Variants in EHD4 observed in about 807,000 individuals in gnomAD.
EHD4 encodes the protein EH domain-containing protein 4.
In EHD4, 37 loss-of-function variants were observed where a neutral mutation model predicts 51.0. The observed-to-expected ratio is 0.73, with a 90% CI of 0.56 to 0.95. The LOEUF is 0.95. EHD4 is among the 40% of genes least tolerant of loss of function. The probability of loss-of-function intolerance (pLI) is 0.00; values close to 1 mark genes in which losing one functional copy is unlikely to be tolerated. For missense variants in EHD4, 632 were observed against 733.1 expected (o/e 0.86, Z 1.59); for synonymous variants, 297 against 317.3 (o/e 0.94, Z 0.68).
chr15:41,953,876 T>G lies in EHD4; in HGVS notation c.301A>C (p.Ile101Leu). The G allele has an allele frequency of 6.2e-7, 1 of 1,614,042 alleles. No homozygotes were observed. Among genetic ancestry groups the G allele is most frequent in the Non-Finnish European group, 8.5e-7 (1 of 1,179,998 alleles). Residue 101 changes from isoleucine (I) to leucine (L), a missense_variant, in exon 2 of 6, where the codon ATC becomes CTC. Ile to Leu is a conservative substitution (Grantham distance 5, BLOSUM62 2). Coordinates refer to ENST00000220325, the MANE Select transcript of EHD4 (RefSeq NM_139265.4). ...TCAGTCTCTCCATACATCACGGCGA[T>G]GAAGGAGTCTGTGGTGGGCTCCGGA... ...IGPEPTTDSF[I>L]AVMYGETEGS... is the part of the protein sequence containing the mutation.
intron 2 of EHD4, among the ~76,000 whole-genome samples, chr15:41,949,049 T>TATATATATATAC (rs2067835129): frequency 9.8e-6 from 1 of 102,418 alleles, no homozygotes. Flanking sequence ...TATATATATA[T>TATATATATATAC]ATACACACAT....
At chr15:41,925,050 A>T (rs1449815715) in intron 3 of EHD4, among the ~76,000 whole-genome samples, 1 of 108,532 alleles carries the variant, frequency 9.2e-6, no homozygotes, top group Admixed American at 1.0e-4. Context: ...ACAGCGAGGG[A>T]CTGTATCTCA....
At chr15:41,952,972 A>T (rs1487620224) in intron 2 of EHD4, among the ~76,000 whole-genome samples, 1 of 141,338 alleles carries the variant, frequency 7.1e-6, no homozygotes. Context: ...CCTGGGAGAC[A>T]GAATGAGACT....
intron 1 of EHD4, among the ~76,000 whole-genome samples, chr15:41,956,761 G>C (rs1419070258): frequency 6.6e-6 from 1 of 152,168 alleles, no homozygotes; most frequent in Non-Finnish European, 1.5e-5. Flanking sequence ...GGAAGAACTA[G>C]AATTAGGAAG....
chr15:41,971,690 C>T (rs558797525), intron 1 of EHD4, among the ~76,000 whole-genome samples: 2 of 152,330 alleles, frequency 1.3e-5, no homozygotes, highest in South Asian at 2.1e-4. Flanking sequence ...TTCCTACGGG[C>T]GGCTAAAGGC....
intron 5 of EHD4, among the ~76,000 whole-genome samples, chr15:41,905,018 C>T (rs908735879): frequency 5.9e-5 from 9 of 152,252 alleles, no homozygotes; most frequent in African/African-American, 1.9e-4. Flanking sequence ...CTAAAGCTGG[C>T]ATCAGCGAGC....
At chr15:41,972,075 G>C (rs1033563600) in intron 1 of EHD4, among the ~76,000 whole-genome samples, 184 bp downstream of exon 1, 1 of 151,910 alleles carries the variant, frequency 6.6e-6, no homozygotes, top group Non-Finnish European at 1.5e-5. Context: ...GCGGGTTCGC[G>C]GGACCCTCCA....
intron 3 of EHD4, among the ~76,000 whole-genome samples, chr15:41,922,880 T>A (rs2067636427): frequency 6.6e-6 from 1 of 152,180 alleles, no homozygotes; most frequent in Non-Finnish European, 1.5e-5. Flanking sequence ...GGCAGAGCTG[T>A]GTTTGTTCTG....
intron 1 of EHD4, among the ~76,000 whole-genome samples, chr15:41,964,771 A>T (rs1385273781): frequency 2.9e-5 from 3 of 103,336 alleles, no homozygotes; most frequent in African/African-American, 1.3e-4. Context: ...AAAAAAAAAA[A>T]AATATATATA....
chr15:41,956,012 G>C (rs1655723941), intron 1 of EHD4, among the ~76,000 whole-genome samples: 1 of 152,204 alleles, frequency 6.6e-6, no homozygotes, highest in African/African-American at 2.4e-5. Context: ...GCTGGGGAGG[G>C]AGGGGCTTGG....
intron 1 of EHD4, among the ~76,000 whole-genome samples, chr15:41,965,268 TATA>T (rs1172493821): frequency 2.6e-5 from 4 of 152,228 alleles, no homozygotes; most frequent in African/African-American, 7.2e-5. Flanking sequence ...TTGAAGACTA[TATA>T]ATGACATAAG....
At chr15:41,955,325 T>C (rs1353667113) in intron 1 of EHD4, among the ~76,000 whole-genome samples, 1 of 151,906 alleles carries the variant, frequency 6.6e-6, no homozygotes, top group Non-Finnish European at 1.5e-5. Context: ...CGAGTGGAAA[T>C]GGAATGCAAG....
At chr15:41,934,314 T>G (rs1157864950) in intron 3 of EHD4, among the ~76,000 whole-genome samples, 7 of 151,280 alleles carry the variant, frequency 4.6e-5, no homozygotes, top group Admixed American at 3.9e-4. Flanking sequence ...AGGAAGTTTT[T>G]TTTTTTTTTT....
In EHD4 at chr15:41,972,452, C is replaced by A. The variant is rs779824169; in HGVS notation, c.43G>T (p.Ala15Ser). The A allele has an allele frequency of 1.9e-6, 3 of 1,566,144 alleles. No individual in the cohort carries two copies. In the South Asian group the frequency reaches 3.5e-5, roughly 18 times the overall value. ...MGRQAGGRER[A>S]GGADAVQTVT... is the part of the protein sequence containing the mutation. The stretch of plus-strand genomic sequence containing the variant: ...GTCTGCACCGCGTCCGCGCCGCCAG[C>A]GCGTTCGCGCCCGCCCGCCTGCCGC... Residue 15 changes from alanine (A) to serine (S), a missense_variant, in exon 1 of 6, where the codon GCT becomes TCT. Ala to Ser is a moderately conservative substitution (Grantham distance 99). Transcript: ENST00000220325.
chr15:41,942,812 C>T lies in EHD4; in HGVS notation c.511+255G>A, dbSNP rs898553103. 7.6e-6 allele frequency: 3 copies of T among 394,658 alleles called. No homozygotes were observed. In the Admixed American group the frequency reaches 1.1e-4, roughly 14 times the overall value. 24.4% of individuals were successfully genotyped at this position (394,658 alleles called of 1,614,324 possible). ...CAGGTCCCCTCACACCTCGATACCTCCCATTGTTTACCCCACTCCTCATCT... is the reference window on the plus strand; with the variant it reads ...CAGGTCCCCTCACACCTCGATACCTTCCATTGTTTACCCCACTCCTCATCT... On this transcript the variant is annotated intron_variant, in intron 3 of 5. Coordinates refer to ENST00000220325, the MANE Select transcript of EHD4 (RefSeq NM_139265.4).
At chr15:41,931,412 C>G (rs1331432172) in intron 3 of EHD4, among the ~76,000 whole-genome samples, 1 of 152,078 alleles carries the variant, frequency 6.6e-6, no homozygotes, top group Non-Finnish European at 1.5e-5. Context: ...ACTCAGGAGG[C>G]TGAGGTGGCA....
chr15:41,901,300 G>A (rs1318732737), intron 5 of EHD4, 119 bp from the exon 6 acceptor site: 1 of 1,093,676 alleles, frequency 9.1e-7, no homozygotes, highest in African/African-American at 1.6e-5. Context: ...CTACTCAGGA[G>A]TGCACTCTTT....
Position 41,900,942 on chromosome 15 carries a change from G to A in EHD4, c.1329C>T (p.Val443=), listed in dbSNP as rs375972649. The part of the protein sequence containing the change: ...AKEGADEEEW[V]VAKDKPVYDE... ...CGTAGACGGGCTTGTCTTTGGCCACGACCCACTCCTCCTCGTCGGCGCCCT... is the reference window on the plus strand; with the variant it reads ...CGTAGACGGGCTTGTCTTTGGCCACAACCCACTCCTCCTCGTCGGCGCCCT... The change falls in exon 6 of 6, where the codon GTC becomes GTT. Residue 443 remains valine, a synonymous_variant. Coordinates refer to ENST00000220325, the MANE Select transcript of EHD4 (RefSeq NM_139265.4). This position sits in a 1 kb window ranked among gnomAD's most constrained non-coding sequence, Gnocchi z 4.8. 3.4e-5 allele frequency: 55 copies of A among 1,613,632 alleles called. No homozygotes were observed. Among genetic ancestry groups the A allele is most frequent in the East Asian group, 2.2e-4 (10 of 44,870 alleles).
intron 5 of EHD4, among the ~76,000 whole-genome samples, chr15:41,903,249 T>C (rs2067489238): frequency 6.6e-6 from 1 of 150,470 alleles, no homozygotes; most frequent in South Asian, 2.1e-4. Flanking sequence ...GACCTCGCTG[T>C]TTTGGACAGA....
Sources: allele counts gnomAD v4.1 joint callset (sites outside exome capture counted in the v4.1 genomes callset), GRCh38; gene constraint gnomAD v4.1.1; non-coding constraint Gnocchi (gnomAD v3.1); transcripts MANE v1.5; gene names NCBI Gene and HGNC (gene_info 2026-07-23, HGNC 2026-07-21).